RCAN2: variants seen among roughly 807,000 people sequenced by gnomAD.
RCAN2 encodes regulator of calcineurin 2.
In RCAN2, 9 loss-of-function variants were observed where a neutral mutation model predicts 23.6. That is an observed-to-expected ratio of 0.38 (90% CI 0.23 to 0.67). The LOEUF (loss-of-function observed/expected upper bound fraction) is 0.67. Ranked by LOEUF, RCAN2 falls within the 30% of genes least tolerant of loss-of-function variation. RCAN2 has a pLI of 0.51. For synonymous variants in RCAN2, 109 were observed against 115.7 expected (o/e 0.94, Z 0.37); for missense variants, 273 against 302.3 (o/e 0.90, Z 0.72).
At chr6:46,467,703 T>C (rs1463382414) in intron 1 of RCAN2, among the ~76,000 whole-genome samples, 1 of 152,266 alleles carries the variant, frequency 6.6e-6, no homozygotes, top group African/African-American at 2.4e-5. Context: ...GGAACCACAG[T>C]AGTACCTACT....
intron 2 of RCAN2, among the ~76,000 whole-genome samples, chr6:46,387,257 C>T (rs1459732736): frequency 1.3e-5 from 2 of 152,140 alleles, no homozygotes; most frequent in Non-Finnish European, 2.9e-5. Flanking sequence ...CAAATAGGAT[C>T]TAATTAAACT....
At chr6:46,371,224 A>G (rs749181380) in intron 2 of RCAN2, among the ~76,000 whole-genome samples, 5 of 152,140 alleles carry the variant, frequency 3.3e-5, no homozygotes, top group Non-Finnish European at 7.4e-5. Context: ...ATGTCACTTT[A>G]CCTCCTCAAC....
chr6:46,395,774 G>A (rs1012138217), intron 2 of RCAN2, among the ~76,000 whole-genome samples: 2 of 152,084 alleles, frequency 1.3e-5, no homozygotes, highest in Non-Finnish European at 2.9e-5. Context: ...TCTATCAGTG[G>A]AGCCACATTA....
intron 2 of RCAN2, among the ~76,000 whole-genome samples, chr6:46,276,236 C>T (rs1330623676): frequency 1.9e-5 from 1 of 51,930 alleles, no homozygotes; most frequent in Non-Finnish European, 4.8e-5. Flanking sequence ...AAACAAAAAC[C>T]AACTATGCAG....
chr6:46,483,909 TA>T (rs1224989456), intron 1 of RCAN2, among the ~76,000 whole-genome samples: 1 of 152,316 alleles, frequency 6.6e-6, no homozygotes, highest in East Asian at 1.9e-4. Flanking sequence ...GTTGAGCAAA[TA>T]AAATTTTGTT....
intron 2 of RCAN2, among the ~76,000 whole-genome samples, chr6:46,285,551 G>A (rs999954712): frequency 5.3e-5 from 8 of 152,232 alleles, no homozygotes; most frequent in Non-Finnish European, 8.8e-5. Context: ...GACCTCTCTA[G>A]TAGGTGACCA....
chr6:46,233,727 T>C lies in RCAN2; in HGVS notation c.572-10426A>G, dbSNP rs1293817194. Among the ~76,000 whole-genome samples, 687 of 151,664 alleles carry C rather than the reference T, an allele frequency of 4.5e-3. 4 individuals carry two copies. The highest frequency in any genetic ancestry group is 0.016 in the African/African-American group (646 of 41,404). On this transcript the variant is annotated intron_variant, in intron 4 of 4. Transcript: ENST00000371374. ...GCTGAGATGAAGAACACTTCTTTTT[T>C]TTTTTTTTTTTTCTTGAGATGGTGT...
At chr6:46,266,396 CTGAGT>C (rs1416484382) in intron 2 of RCAN2, among the ~76,000 whole-genome samples, 1 of 152,128 alleles carries the variant, frequency 6.6e-6, no homozygotes, top group Non-Finnish European at 1.5e-5. Context: ...TTTATTTTGA[CTGAGT>C]TTTCTCCCCA....
intron 2 of RCAN2, among the ~76,000 whole-genome samples, chr6:46,377,397 T>A (rs1765505952): frequency 6.6e-6 from 1 of 152,216 alleles, no homozygotes; most frequent in Non-Finnish European, 1.5e-5. Context: ...TGGCACTTTC[T>A]TACGTGACTA....
intron 2 of RCAN2, among the ~76,000 whole-genome samples, chr6:46,280,084 T>C (rs1466982314): frequency 6.6e-6 from 1 of 152,140 alleles, no homozygotes; most frequent in African/African-American, 2.4e-5. Flanking sequence ...GCCTTAGTAC[T>C]CCTAGTAAAA....
At chr6:46,351,560 C>T (rs555289116) in intron 2 of RCAN2, among the ~76,000 whole-genome samples, 35 of 152,326 alleles carry the variant, frequency 2.3e-4, no homozygotes, top group Non-Finnish European at 4.1e-4. Context: ...CTAGCTGCAG[C>T]TCTCACAAGA....
chr6:46,238,030 G>T (rs931790119), intron 4 of RCAN2, among the ~76,000 whole-genome samples: 3 of 152,182 alleles, frequency 2.0e-5, no homozygotes, highest in Non-Finnish European at 4.4e-5. Context: ...TGGCAGATTT[G>T]TGAACAAAAT....
intron 2 of RCAN2, among the ~76,000 whole-genome samples, chr6:46,347,866 A>G (rs1236318178): frequency 6.6e-6 from 1 of 152,256 alleles, no homozygotes; most frequent in Non-Finnish European, 1.5e-5. Context: ...TGACTCACTA[A>G]GAGATATCTG....
In RCAN2 at chr6:46,223,097, C is replaced by T; in HGVS notation, c.*44G>A. The T allele has an allele frequency of 1.3e-6, 2 of 1,596,618 alleles. No homozygotes were observed. Among genetic ancestry groups the T allele is most frequent in the South Asian group, 2.3e-5 (2 of 88,888 alleles). ...TTTGACAAACAACAGGGGGAAAAAGCATGATAAAGAGGAGACGGCTATTAT... is the reference window on the plus strand; with the variant it reads ...TTTGACAAACAACAGGGGGAAAAAGTATGATAAAGAGGAGACGGCTATTAT... On this transcript the variant is annotated 3_prime_UTR_variant, in exon 5 of 5. Transcript: ENST00000371374.
chr6:46,476,223 G>A (rs775917936), intron 1 of RCAN2, among the ~76,000 whole-genome samples: 87 of 152,224 alleles, frequency 5.7e-4, no homozygotes, highest in Non-Finnish European at 4.6e-4. Flanking sequence ...GAATCAGAAC[G>A]AGAATGAAGA....
intron 2 of RCAN2, among the ~76,000 whole-genome samples, chr6:46,410,615 T>C (rs1417849153): frequency 6.6e-6 from 1 of 152,218 alleles, no homozygotes; most frequent in Non-Finnish European, 1.5e-5. Flanking sequence ...GGAAATCTTT[T>C]GCCTGTTACT....
At chr6:46,343,435 G>A (rs1387927549) in intron 2 of RCAN2, among the ~76,000 whole-genome samples, 1 of 147,976 alleles carries the variant, frequency 6.8e-6, no homozygotes, top group Non-Finnish European at 1.5e-5. Context: ...GAGTGCAGTG[G>A]CGCAATCTCA....
intron 2 of RCAN2, among the ~76,000 whole-genome samples, chr6:46,337,953 G>A (rs556742892): frequency 6.6e-6 from 1 of 152,268 alleles, no homozygotes; most frequent in Admixed American, 6.5e-5. Flanking sequence ...AGAGTGAGGA[G>A]TGGTATCAGT....
intron 3 of RCAN2, among the ~76,000 whole-genome samples, chr6:46,248,026 ATC>A (rs1237952599): frequency 6.6e-6 from 1 of 152,244 alleles, no homozygotes; most frequent in Non-Finnish European, 1.5e-5. Context: ...TCACTGTGCC[ATC>A]TCTGTAGAAT....
Sources: allele counts gnomAD v4.1 joint callset (sites outside exome capture counted in the v4.1 genomes callset), GRCh38; gene constraint gnomAD v4.1.1; transcripts MANE v1.5; gene names NCBI Gene and HGNC (gene_info 2026-07-23, HGNC 2026-07-21).